RALGAPA2: variants seen among roughly 807,000 people sequenced by gnomAD.
RALGAPA2 encodes the protein ral GTPase-activating protein subunit alpha-2.
Under a neutral mutation model 230.4 loss-of-function variants are expected in RALGAPA2, and 139 were observed. The ratio of observed to expected loss-of-function variants is 0.60; its 90% CI spans 0.53 to 0.69. RALGAPA2 has a LOEUF of 0.69. Ranked by LOEUF, RALGAPA2 falls within the 30% of genes least tolerant of loss-of-function variation. RALGAPA2 has a pLI of 0.00. For synonymous variants in RALGAPA2, 847 were observed against 837.8 expected, an observed-to-expected ratio of 1.01 and a Z score of -0.19; for missense variants, 2,163 against 2,276.0, an observed-to-expected ratio of 0.95 and a Z score of 1.01.
At chr20:20,393,331 G>A (rs918526033) in intron 39 of RALGAPA2, 78 bp from the exon 40 acceptor site, 4 of 1,116,738 alleles carry the variant, frequency 3.6e-6, no homozygotes, top group Non-Finnish European at 4.6e-6. Context: ...GAGGATCTGT[G>A]GCACTCAGAA....
At chr20:20,700,440 C>T (rs2069307196) in intron 1 of RALGAPA2, among the ~76,000 whole-genome samples, 1 of 152,156 alleles carries the variant, frequency 6.6e-6, no homozygotes, top group Admixed American at 6.5e-5. Context: ...CATGTACCCC[C>T]TGTACCTAAA....
intron 23 of RALGAPA2, among the ~76,000 whole-genome samples, chr20:20,567,786 G>A (rs984664707): frequency 1.3e-5 from 2 of 150,896 alleles, no homozygotes; most frequent in Non-Finnish European, 2.9e-5. Flanking sequence ...TGAGCCCAGT[G>A]AGCTATGATT....
chr20:20,635,559 G>A lies in RALGAPA2; in HGVS notation c.864C>T (p.Asn288=). The A allele has an allele frequency of 6.3e-7, 1 of 1,588,048 alleles. No homozygotes were observed. The highest frequency in any genetic ancestry group is 8.5e-7 in the Non-Finnish European group (1 of 1,171,312). The change falls in exon 9 of 40, where the codon AAC becomes AAT. Residue 288 remains asparagine, a synonymous_variant. Transcript: ENST00000202677. ...TATATGGAATCTTTGTACTGTAAATGTTCTCATTGTCTCGAGTGGTAGTAA... is the reference window on the plus strand; with the variant it reads ...TATATGGAATCTTTGTACTGTAAATATTCTCATTGTCTCGAGTGGTAGTAA... ...VYITTTRDNE[N]IYSTKIPYMA... is the part of the protein sequence containing the mutation.
chr20:20,418,737 A>ATTATTTAT lies in RALGAPA2; in HGVS notation c.5496-6597_5496-6590dup, dbSNP rs11474206. Among the ~76,000 whole-genome samples, 197 of 150,128 alleles carry ATTATTTAT rather than the reference A, an allele frequency of 1.3e-3. 1 individual carries two copies. The Middle Eastern group carries it at 0.024, about 18-fold the overall frequency. Reference sequence around the variant, plus strand: ...ATTGAGTGCAATTCTATTGCTATACATTATTTATTTATTTATTTATAGACA... The same window carrying ATTATTTAT: ...ATTGAGTGCAATTCTATTGCTATACATTATTTATTTATTTATTTATTTATTTATAGACA... On this transcript the variant is annotated intron_variant, in intron 37 of 39. Coordinates refer to ENST00000202677, the MANE Select transcript of RALGAPA2 (RefSeq NM_020343.4).
At chr20:20,459,111 C>A (rs1367550997) in intron 37 of RALGAPA2, among the ~76,000 whole-genome samples, 1 of 151,844 alleles carries the variant, frequency 6.6e-6, no homozygotes, top group African/African-American at 2.4e-5. Flanking sequence ...TATCAAAATA[C>A]ACTGAGCTTA....
At chr20:20,596,206 G>A (rs1281735604) in intron 16 of RALGAPA2, among the ~76,000 whole-genome samples, 2 of 151,980 alleles carry the variant, frequency 1.3e-5, no homozygotes, top group Non-Finnish European at 2.9e-5. Context: ...GCCAAATACA[G>A]TCCCCAAAAG....
At chr20:20,457,986 C>G (rs1007069745) in intron 37 of RALGAPA2, among the ~76,000 whole-genome samples, 2 of 152,130 alleles carry the variant, frequency 1.3e-5, no homozygotes, top group Non-Finnish European at 2.9e-5. Context: ...AGGCAGGGCC[C>G]CTGGTGAGGG....
At chr20:20,630,997 T>C (rs1603128847) in intron 9 of RALGAPA2, among the ~76,000 whole-genome samples, 1 of 152,220 alleles carries the variant, frequency 6.6e-6, no homozygotes, top group East Asian at 1.9e-4. Context: ...CACAGAGACG[T>C]GAGGCCCATG....
At chr20:20,707,515 A>G (rs188938291) in intron 1 of RALGAPA2, among the ~76,000 whole-genome samples, 1 of 152,350 alleles carries the variant, frequency 6.6e-6, no homozygotes, top group East Asian at 1.9e-4. Context: ...AAATGAGAGG[A>G]ACAAAACATC....
Position 20,572,733 on chromosome 20 carries a change from C to T in RALGAPA2, c.2901+142G>A, listed in dbSNP as rs1019220680. On this transcript the variant is annotated intron_variant, in intron 21 of 39. Transcript: ENST00000202677. The stretch of plus-strand genomic sequence containing the variant: ...AATAGTCATGTTATATATGATTATT[C>T]TTTGATAATCAAATGGACTTTGTCT... 9 of 715,586 alleles carry T rather than the reference C, an allele frequency of 1.3e-5. No homozygotes were observed. In the African/African-American group the frequency reaches 1.3e-4, roughly 10 times the overall value. The allele number at this position is 715,586 out of a possible 1,614,324, so 44.3% of individuals were successfully genotyped here. A position where few individuals can be genotyped will look rare whatever the true frequency, so the allele number is the denominator to read the frequency against.
At chr20:20,479,233 A>G (rs916769501) in intron 36 of RALGAPA2, among the ~76,000 whole-genome samples, 1 of 152,214 alleles carries the variant, frequency 6.6e-6, no homozygotes, top group African/African-American at 2.4e-5. Context: ...AAAATAATAA[A>G]ATTCAAATAA....
rs181315494 is a variant in RALGAPA2, at chr20:20,645,988, G to T, written c.329-2439C>A. Among the ~76,000 whole-genome samples, 12 of 150,756 alleles carry T rather than the reference G, an allele frequency of 8.0e-5. No homozygotes were observed. The East Asian group carries it at 2.3e-3, about 29-fold the overall frequency. ...AAAAAAATTAGCAAGAAAAACATGT[G>T]CAGTGGAGGCACATAGCATGAGGAC... On this transcript the variant is annotated intron_variant, in intron 4 of 39. Transcript: ENST00000202677.
At chr20:20,497,981 C>T (rs964153617) in intron 35 of RALGAPA2, among the ~76,000 whole-genome samples, 1 of 152,192 alleles carries the variant, frequency 6.6e-6, no homozygotes, top group African/African-American at 2.4e-5. Flanking sequence ...CAAAATATGC[C>T]TTCTTTTGCC....
Position 20,658,013 on chromosome 20 carries a change from G to A in RALGAPA2, c.271-4426C>T, listed in dbSNP as rs571018593. The stretch of plus-strand genomic sequence containing the variant: ...AGAAAAACACAGAATACAGCAAGAC[G>A]ATGTGTATCTACATGCTTAGATACT... On this transcript the variant is annotated intron_variant, in intron 3 of 39. Transcript: ENST00000202677. Among the ~76,000 whole-genome samples the A allele has an allele frequency of 6.6e-5, 10 of 152,296 alleles. No individual in the cohort carries two copies. In the East Asian group the frequency reaches 9.6e-4, roughly 15 times the overall value.
Position 20,521,054 on chromosome 20 carries a change from C to T in RALGAPA2, c.3947G>A (p.Ser1316Asn). 3 of 1,613,800 alleles carry T rather than the reference C, an allele frequency of 1.9e-6. No homozygotes were observed. The highest frequency in any genetic ancestry group is 2.5e-6 in the Non-Finnish European group (3 of 1,179,780). The stretch of plus-strand genomic sequence containing the variant: ...GTCAGCCAGGGTCAGTATGTAGTGA[C>T]TCTGTTGGGTGTACGTGCTTGAGCC... The part of the protein sequence containing the change: ...VCGSSTYTQQ[S>N]HYILTLADLS... Residue 1316 changes from serine (S) to asparagine (N), a missense_variant, in exon 31 of 40, where the codon AGT becomes AAT. Physicochemically the swap from Ser to Asn is conservative, Grantham distance 46 (BLOSUM62 1). Transcript: ENST00000202677.
intron 1 of RALGAPA2, among the ~76,000 whole-genome samples, chr20:20,693,385 A>G (rs542582375): frequency 3.3e-5 from 5 of 152,342 alleles, no homozygotes; most frequent in African/African-American, 9.6e-5. Flanking sequence ...ACATTTTAAT[A>G]TATTTATCTA....
intron 36 of RALGAPA2, among the ~76,000 whole-genome samples, chr20:20,493,161 CCAAA>C (rs1374036621): frequency 6.6e-6 from 1 of 152,146 alleles, no homozygotes; most frequent in African/African-American, 2.4e-5. Context: ...GGGACTGAAG[CCAAA>C]CAAACAGACT....
chr20:20,636,410 A>C (rs1392705251), intron 8 of RALGAPA2, among the ~76,000 whole-genome samples: 1 of 152,208 alleles, frequency 6.6e-6, no homozygotes, highest in Admixed American at 6.5e-5. Context: ...TTTAGACTAC[A>C]TATAAAATCA....
chr20:20,645,675 A>G (rs1029542193), intron 4 of RALGAPA2, among the ~76,000 whole-genome samples: 1 of 152,218 alleles, frequency 6.6e-6, no homozygotes, highest in Non-Finnish European at 1.5e-5. Context: ...GAAGCAGTAC[A>G]GCTTAGCAGT....
Sources: gnomAD v4.1 joint callset for allele counts (sites outside exome capture counted in the v4.1 genomes callset) on GRCh38, gnomAD v4.1.1 for gene constraint, MANE v1.5 for transcripts, NCBI Gene and HGNC (gene_info 2026-07-23, HGNC 2026-07-21) for gene names.